The following IL1RAPL2 variants were observed in gnomAD, a reference collection of about 807,000 sequenced individuals.
IL1RAPL2 encodes the protein interleukin 1 receptor accessory protein like 2.
A neutral mutation model predicts 44.1 loss-of-function variants in IL1RAPL2; 3 were observed. That is an observed-to-expected ratio of 0.07 (90% CI 0.03 to 0.18). IL1RAPL2 has a LOEUF of 0.18. Ranked by LOEUF, IL1RAPL2 falls within the 10% of genes least tolerant of loss-of-function variation. The pLI, the probability that IL1RAPL2 is intolerant of heterozygous loss-of-function variation, is 1.00. For synonymous variants in IL1RAPL2, 181 were observed against 178.8 expected (o/e 1.01, Z -0.10); for missense variants, 391 against 496.4 (o/e 0.79, Z 2.02).
At chrX:104,869,026 CTG>C (rs1922689596) in intron 2 of IL1RAPL2, among the ~76,000 whole-genome samples, 1 of 111,508 alleles carries the variant, frequency 9.0e-6, no homozygotes, top group South Asian at 3.7e-4. Flanking sequence ...TTGTAAAACA[CTG>C]TTGCCTGGGA....
chrX:105,672,745 T>A (rs1445556297), intron 6 of IL1RAPL2, among the ~76,000 whole-genome samples: 1 of 112,487 alleles, frequency 8.9e-6, no homozygotes. Context: ...TCTCTAGTTA[T>A]CCTTTGCTGG....
intron 6 of IL1RAPL2, among the ~76,000 whole-genome samples, chrX:105,686,902 A>G (rs1483368847): frequency 8.9e-6 from 1 of 112,125 alleles, no homozygotes; most frequent in Non-Finnish European, 1.9e-5. Flanking sequence ...TCAAATTAGA[A>G]CTCAAGATTA....
chrX:105,215,550 A>G (rs782425195), intron 3 of IL1RAPL2, among the ~76,000 whole-genome samples: 5 of 112,081 alleles, frequency 4.5e-5, no homozygotes, highest in African/African-American at 1.6e-4. Context: ...AGCTGGTACC[A>G]TTTCTTCTGC....
At chrX:105,317,741 T>C (rs938084794) in intron 5 of IL1RAPL2, among the ~76,000 whole-genome samples, 5 of 110,071 alleles carry the variant, frequency 4.5e-5, no homozygotes, top group Admixed American at 3.9e-4. Context: ...TTTTCTTTTT[T>C]CCCCCCTGAG....
rs1195532962 is a variant in IL1RAPL2, at chrX:105,239,292, G to A, written c.543+5288G>A. 1.5e-4 allele frequency among the ~76,000 whole-genome samples: 17 copies of A among 111,773 alleles called. No individual in the cohort carries two copies. The Admixed American group carries it at 1.6e-3, about 11-fold the overall frequency. ...ATTTAAAATCTGTTGTGTAACCATA[G>A]CCTTTACAGTAGAATCAGTTATAGA... On this transcript the variant is annotated intron_variant, in intron 4 of 10. Transcript: ENST00000372582.
intron 1 of IL1RAPL2, among the ~76,000 whole-genome samples, chrX:104,620,716 G>A (rs1305893848): frequency 5.0e-5 from 5 of 99,631 alleles, no homozygotes; most frequent in Admixed American, 2.3e-4. Flanking sequence ...GACAGTAATA[G>A]GTAGTTGGTT....
chrX:104,936,464 C>T (rs4339774), intron 2 of IL1RAPL2, among the ~76,000 whole-genome samples: 37,619 of 110,080 alleles, frequency 0.34, 5,558 homozygotes, highest in East Asian at 0.46. Context: ...CTATAAAGCA[C>T]ACTTCAGGAT....
chrX:104,666,960 C>G (rs1273487356), intron 2 of IL1RAPL2, among the ~76,000 whole-genome samples: 2 of 111,791 alleles, frequency 1.8e-5, no homozygotes, highest in Admixed American at 9.5e-5. Context: ...TTATTTGAGA[C>G]TGTCATAGAG....
intron 6 of IL1RAPL2, among the ~76,000 whole-genome samples, chrX:105,704,105 A>G (rs2038142681): frequency 8.9e-6 from 1 of 111,792 alleles, no homozygotes; most frequent in Non-Finnish European, 1.9e-5. Flanking sequence ...ACAGTATAGT[A>G]AGGGAAGTTA....
intron 6 of IL1RAPL2, among the ~76,000 whole-genome samples, chrX:105,562,573 T>A (rs1164187286): frequency 7.5e-5 from 8 of 106,754 alleles, no homozygotes; most frequent in Admixed American, 5.1e-4. Flanking sequence ...TAATATGGAA[T>A]GTCTTAGGGA....
At chrX:105,054,104 T>A (rs1405788749) in intron 2 of IL1RAPL2, among the ~76,000 whole-genome samples, 1 of 111,487 alleles carries the variant, frequency 9.0e-6, no homozygotes, top group Non-Finnish European at 1.9e-5. Flanking sequence ...AGGGTCAAAG[T>A]GGGAACCCTC....
At chrX:104,894,128 G>A (rs1602790402) in intron 2 of IL1RAPL2, among the ~76,000 whole-genome samples, 1 of 111,798 alleles carries the variant, frequency 8.9e-6, no homozygotes, top group Non-Finnish European at 1.9e-5. Flanking sequence ...CTCTCTTCTG[G>A]CTTATAGTTT....
intron 2 of IL1RAPL2, among the ~76,000 whole-genome samples, chrX:104,842,034 G>A (rs748978563): frequency 9.1e-6 from 1 of 109,852 alleles, no homozygotes; most frequent in Non-Finnish European, 1.9e-5. Context: ...TCTGTCAATC[G>A]CAGGTTTGGT....
chrX:104,903,499 A>G (rs984821229), intron 2 of IL1RAPL2, among the ~76,000 whole-genome samples: 1 of 112,076 alleles, frequency 8.9e-6, no homozygotes, highest in Non-Finnish European at 1.9e-5. Context: ...GAGCTGGCTT[A>G]TAACAAAGGG....
chrX:105,118,562 T>A (rs953805822), intron 2 of IL1RAPL2, among the ~76,000 whole-genome samples: 3 of 112,113 alleles, frequency 2.7e-5, no homozygotes, highest in Non-Finnish European at 5.6e-5. Context: ...TTCAGCTCTA[T>A]GGGTAAGTTT....
chrX:105,572,838 A>G (rs752409354), intron 6 of IL1RAPL2, among the ~76,000 whole-genome samples: 2 of 112,060 alleles, frequency 1.8e-5, no homozygotes, highest in Admixed American at 1.9e-4. Flanking sequence ...CCTATACTAC[A>G]GTGCATCAAA....
rs148779780 is a variant in IL1RAPL2 at position 105,160,323 on chromosome X, G to A, written c.83-35152G>A. Among the ~76,000 whole-genome samples the A allele has an allele frequency of 1.3e-3, 144 of 110,594 alleles. No individual in the cohort carries two copies. The East Asian group carries it at 0.037, about 28-fold the overall frequency. ...GCATTTATTCTACAGCCCAATACAA[G>A]CAGATATGGAAATTGTCCTGGCATC... On this transcript the variant is annotated intron_variant, in intron 2 of 10. Transcript: ENST00000372582.
rs867582700 is a variant in IL1RAPL2, at chrX:104,585,320, T to A, written c.-20+18269T>A. Among the ~76,000 whole-genome samples, 8 of 20,471 alleles carry A rather than the reference T, an allele frequency of 3.9e-4. 1 individual carries two copies. Among genetic ancestry groups the A allele is most frequent in the African/African-American group, 1.9e-3 (5 of 2,604 alleles). 17.8% of individuals were successfully genotyped at this position (20,471 alleles called of 115,157 possible). A position where few individuals can be genotyped will look rare whatever the true frequency, so the allele number is the denominator to read the frequency against. On this transcript the variant is annotated intron_variant, in intron 1 of 10. Transcript: ENST00000372582. ...TATATTATATATTATATAATATATA[T>A]TATATATAATATATATTATATATTA...
At chrX:105,644,699 C>G (rs1214027121) in intron 6 of IL1RAPL2, among the ~76,000 whole-genome samples, 2 of 110,589 alleles carry the variant, frequency 1.8e-5, no homozygotes, top group African/African-American at 6.6e-5. Context: ...TGGTGGTTTG[C>G]TGCACCCATC....
Sources: gnomAD v4.1 joint callset for allele counts (sites outside exome capture counted in the v4.1 genomes callset) on GRCh38, gnomAD v4.1.1 for gene constraint, MANE v1.5 for transcripts, NCBI Gene and HGNC (gene_info 2026-07-23, HGNC 2026-07-21) for gene names.